GNRHR: variants seen among roughly 807,000 people sequenced by gnomAD.
The protein encoded by GNRHR is gonadotropin-releasing hormone receptor.
In GNRHR, 14 loss-of-function variants were observed where a neutral mutation model predicts 28.1. The ratio of observed to expected loss-of-function variants is 0.50; its 90% CI spans 0.33 to 0.78. The LOEUF (loss-of-function observed/expected upper bound fraction) is 0.78, where lower values mean the gene tolerates loss of function less well. GNRHR is among the 30% of genes least tolerant of loss of function. GNRHR has a pLI of 0.02. For missense variants in GNRHR, 366 were observed against 382.1 expected (o/e 0.96, Z 0.35); for synonymous variants, 141 against 140.5 (o/e 1.00, Z -0.02).
rs528806919 is a variant in GNRHR, at chr4:67,746,749, T to A, written c.523-1962A>T. Among the ~76,000 whole-genome samples, 106 of 150,504 alleles carry A rather than the reference T, an allele frequency of 7.0e-4. 1 individual carries two copies. Among genetic ancestry groups the A allele is most frequent in the African/African-American group, 2.4e-3 (100 of 41,240 alleles). ...ATTTTAAAAATACTTCATTTTTTTT[T>A]AAAAGGCATACTCCACTCCCACTCC... is the stretch of plus-strand genomic sequence containing the variant. On this transcript the variant is annotated intron_variant, in intron 1 of 2. Coordinates refer to ENST00000226413, the MANE Select transcript of GNRHR (RefSeq NM_000406.3).
At position 67,740,620 on chromosome 4, in the gene GNRHR, A is replaced by G. The variant is rs1237982349; in HGVS notation, c.847T>C (p.Tyr283His). Residue 283 changes from tyrosine (Y) to histidine (H), a missense_variant, in exon 3 of 3, where the codon TAC (tyrosine) becomes CAC (histidine). Coordinates refer to ENST00000226413, the MANE Select transcript of GNRHR (RefSeq NM_000406.3). The stretch of plus-strand genomic sequence containing the variant: ...CAATACCAAATTCCTAGGACATAGT[A>G]GGGAGTCCAGCAGACAGTAAATGAA... ...ATSFTVCWTPYYVLGIWYWFD... is the reference protein window; with the variant it reads ...ATSFTVCWTPHYVLGIWYWFD... 3 of 1,612,576 alleles carry G rather than the reference A, an allele frequency of 1.9e-6. No homozygotes were observed. The highest frequency in any genetic ancestry group is 2.5e-6 in the Non-Finnish European group (3 of 1,178,696).
chr4:67,745,774 T>G (rs1731743025), intron 1 of GNRHR, among the ~76,000 whole-genome samples: 1 of 152,162 alleles, frequency 6.6e-6, no homozygotes. Context: ...GTCTGTCTCC[T>G]TATGTAATGC....
chr4:67,754,164 A>G lies in GNRHR; in HGVS notation c.172T>C (p.Leu58=), dbSNP rs765486740. The G allele has an allele frequency of 1.2e-6, 2 of 1,614,046 alleles. No homozygotes were observed. Among genetic ancestry groups the G allele is most frequent in the Admixed American group, 1.7e-5 (1 of 60,016 alleles). ...LSATFNASFL[L]KLQKWTQKKE... is the part of the protein sequence containing the mutation. The stretch of plus-strand genomic sequence containing the variant: ...TTCTGTGTCCACTTCTGAAGTTTCA[A>G]CAAGAAAGAAGCATTAAAGGTCGCA... The change falls in exon 1 of 3, where the codon TTG becomes CTG. Residue 58 remains leucine (L), a synonymous_variant. Transcript: ENST00000226413.
chr4:67,752,559 C>T (rs1336784869), intron 1 of GNRHR, among the ~76,000 whole-genome samples: 1 of 152,072 alleles, frequency 6.6e-6, no homozygotes, highest in East Asian at 1.9e-4. Flanking sequence ...AGAGCATAAG[C>T]CTTAGCTAAA....
At chr4:67,741,634 C>A (rs1261350693) in intron 2 of GNRHR, among the ~76,000 whole-genome samples, 1 of 152,196 alleles carries the variant, frequency 6.6e-6, no homozygotes, top group African/African-American at 2.4e-5. Context: ...ACACTGTTTT[C>A]CATGGTGGTT....
At chr4:67,753,611 A>T (rs1405469399) in intron 1 of GNRHR, 1 of 595,292 alleles carries the variant, frequency 1.7e-6, no homozygotes, top group African/African-American at 1.9e-5. Flanking sequence ...GTTACATTTT[A>T]TCGGTAAAGG....
intron 2 of GNRHR, among the ~76,000 whole-genome samples, chr4:67,742,954 T>C (rs1028655379): frequency 2.7e-5 from 4 of 149,032 alleles, no homozygotes; most frequent in South Asian, 4.2e-4. Flanking sequence ...TCTTTTCACA[T>C]ACTATTCTTT....
rs115861964 is a variant in GNRHR, at chr4:67,739,985, A to G, written c.*495T>C. On this transcript the variant is annotated 3_prime_UTR_variant, in exon 3 of 3. Transcript: ENST00000226413. ...AGATTCATTTTTTTTCTTTTTAACT[A>G]TAGGAGGGAAAGTTGATATTATGGG... The G allele has an allele frequency of 4.7e-3, 718 of 152,660 alleles. 5 individuals carry two copies. The highest frequency in any genetic ancestry group is 7.3e-3 in the Non-Finnish European group (496 of 68,320). 9.5% of individuals were successfully genotyped at this position (152,660 alleles called of 1,614,324 possible).
At chr4:67,743,843 A>G (rs1731706503) in intron 2 of GNRHR, among the ~76,000 whole-genome samples, 2 of 152,190 alleles carry the variant, frequency 1.3e-5, no homozygotes, top group Admixed American at 6.5e-5. Context: ...ATTAGAGAGC[A>G]TCACCATGAA....
rs10518042 is a variant in GNRHR at position 67,737,185 on chromosome 4, T to C, written c.*3295A>G. 0.13 allele frequency among the ~76,000 whole-genome samples: 19,198 copies of C among 152,128 alleles called. 1,347 individuals are homozygous for C. The highest frequency in any genetic ancestry group is 0.22 in the South Asian group (1,047 of 4,828). Reference sequence around the variant, plus strand: ...GCAATATGAGTTCATTTTGGGAATTTGGAATTACAGGAATTCACAAGGAAG... The same window carrying C: ...GCAATATGAGTTCATTTTGGGAATTCGGAATTACAGGAATTCACAAGGAAG... On this transcript the variant is annotated 3_prime_UTR_variant, in exon 3 of 3. Transcript: ENST00000226413.
chr4:67,748,199 T>G (rs868595263), intron 1 of GNRHR, among the ~76,000 whole-genome samples: 4 of 152,242 alleles, frequency 2.6e-5, no homozygotes, highest in African/African-American at 9.6e-5. Flanking sequence ...AACACTCACC[T>G]TACCCACACT....
rs577858450 is a variant in GNRHR, at chr4:67,740,794, A to T, written c.743-70T>A. ...TACAAAACCAAAGTGGACAAAAAGGAAGACAGCATCACTAATTCAACTTAA... is the reference window on the plus strand; with the variant it reads ...TACAAAACCAAAGTGGACAAAAAGGTAGACAGCATCACTAATTCAACTTAA... On this transcript the variant is annotated intron_variant, in intron 2 of 2. Coordinates refer to ENST00000226413, the MANE Select transcript of GNRHR (RefSeq NM_000406.3). The T allele has an allele frequency of 5.6e-5, 61 of 1,083,742 alleles. No homozygotes were observed. In the South Asian group the frequency reaches 7.5e-4, roughly 13 times the overall value. 67.1% of individuals were successfully genotyped at this position (1,083,742 alleles called of 1,614,324 possible).
chr4:67,741,499 G>A (rs1286321123), intron 2 of GNRHR, among the ~76,000 whole-genome samples: 3 of 152,128 alleles, frequency 2.0e-5, no homozygotes, highest in Non-Finnish European at 4.4e-5. Context: ...AAACTGTGCT[G>A]CTATGAACAT....
At chr4:67,751,381 A>T (rs964532247) in intron 1 of GNRHR, among the ~76,000 whole-genome samples, 1 of 152,204 alleles carries the variant, frequency 6.6e-6, no homozygotes, top group African/African-American at 2.4e-5. Flanking sequence ...AGCATTACTT[A>T]TGTGAGGTTA....
chr4:67,753,516 C>A (rs1731908329), intron 1 of GNRHR: 1 of 292,506 alleles, frequency 3.4e-6, no homozygotes, highest in African/African-American at 2.2e-5. Flanking sequence ...TTTGGGGAAG[C>A]ATTTGCTACA....
rs144752345 is a variant in GNRHR at position 67,743,349 on chromosome 4, T to G, written c.742+1219A>C. ...TCTTGGCTTAGCACATGACTGAAAA[T>G]GAAAAAATATCAAGGCAACCACAAC... On this transcript the variant is annotated intron_variant, in intron 2 of 2. Transcript: ENST00000226413. Among the ~76,000 whole-genome samples the G allele has an allele frequency of 8.4e-4, 128 of 152,272 alleles. 3 individuals are homozygous for G. The East Asian group carries it at 0.021, about 25-fold the overall frequency.
intron 1 of GNRHR, among the ~76,000 whole-genome samples, chr4:67,750,666 A>G (rs1423472644): frequency 2.0e-5 from 3 of 152,118 alleles, no homozygotes; most frequent in African/African-American, 7.2e-5. Context: ...ATAAATTCCC[A>G]GATCCCCAGC....
At chr4:67,743,944 A>C (rs765048534) in intron 2 of GNRHR, among the ~76,000 whole-genome samples, 23 of 152,352 alleles carry the variant, frequency 1.5e-4, no homozygotes, top group Non-Finnish European at 2.8e-4. Context: ...TAACTTATGC[A>C]CTATGTCATT....
At chr4:67,748,938 T>A (rs1716701316) in intron 1 of GNRHR, among the ~76,000 whole-genome samples, 1 of 152,076 alleles carries the variant, frequency 6.6e-6, no homozygotes, top group African/African-American at 2.4e-5. Flanking sequence ...TTTATGTGAT[T>A]GTTGGAAGCA....
Sources: allele counts gnomAD v4.1 joint callset (sites outside exome capture counted in the v4.1 genomes callset), GRCh38; gene constraint gnomAD v4.1.1; transcripts MANE v1.5; gene names NCBI Gene and HGNC (gene_info 2026-07-23, HGNC 2026-07-21).